The following FAR2 variants were observed in gnomAD, a reference collection of about 807,000 sequenced individuals.
The protein encoded by FAR2 is epididymis secretory protein Li 81.
FAR2 carries 19 observed loss-of-function variants against 56.0 expected under a neutral mutation model. The ratio of observed to expected loss-of-function variants is 0.34; its 90% CI spans 0.24 to 0.50. FAR2 has a LOEUF of 0.50. Ranked by LOEUF, FAR2 falls within the 20% of genes least tolerant of loss-of-function variation. The pLI, the probability that FAR2 is intolerant of heterozygous loss-of-function variation, is 0.98. For synonymous variants in FAR2, 219 were observed against 218.8 expected (o/e 1.00, Z -0.01); for missense variants, 508 against 642.2 (o/e 0.79, Z 2.26).
In FAR2 at chr12:29,311,021, T is replaced by C; in HGVS notation, c.769-7T>C. On this transcript the variant is annotated splice_polypyrimidine_tract_variant and splice_region_variant and intron_variant, in intron 6 of 11. Coordinates refer to ENST00000536681, the MANE Select transcript of FAR2 (RefSeq NM_001271783.2). ...GTTTAATATTTTATGTTCTTTTTCC[T>C]ATGCAGACTGGGAAAGGGTTTCTTC... 6.2e-7 allele frequency: 1 copy of C among 1,603,178 alleles called. No individual in the cohort carries two copies. The highest frequency in any genetic ancestry group is 8.5e-7 in the Non-Finnish European group (1 of 1,170,192).
intron 1 of FAR2, among the ~76,000 whole-genome samples, chr12:29,179,404 C>T (rs2136595628): frequency 6.6e-6 from 1 of 152,286 alleles, no homozygotes. Flanking sequence ...CATTCATAGC[C>T]ACTTGCTGTG....
chr12:29,293,535 T>G, intron 3 of FAR2, 60 bp downstream of exon 3: 1 of 1,257,622 alleles, frequency 8.0e-7, no homozygotes, highest in Non-Finnish European at 1.0e-6. Flanking sequence ...AATTTCTTCA[T>G]AGTTTCTGTA....
At chr12:29,309,044 C>T (rs1949303029) in intron 5 of FAR2, 142 bp from the exon 6 acceptor site, 1 of 676,350 alleles carries the variant, frequency 1.5e-6, no homozygotes, top group Non-Finnish European at 2.6e-6. Context: ...CTTTTGAGAT[C>T]TTAATAATAC....
chr12:29,299,232 A>AAG (rs1555121548), intron 4 of FAR2, among the ~76,000 whole-genome samples: 9 of 136,664 alleles, frequency 6.6e-5, no homozygotes, highest in African/African-American at 1.9e-4. Flanking sequence ...AAAAAAAAAA[A>AAG]AAAGAAAGAA....
intron 1 of FAR2, among the ~76,000 whole-genome samples, chr12:29,205,429 A>G (rs1947468318): frequency 6.6e-6 from 1 of 152,188 alleles, no homozygotes; most frequent in African/African-American, 2.4e-5. Context: ...TGAAGCACAA[A>G]ATTTCCACAT....
At chr12:29,181,449 A>G (rs577621687) in intron 1 of FAR2, among the ~76,000 whole-genome samples, 3 of 152,224 alleles carry the variant, frequency 2.0e-5, no homozygotes, top group Non-Finnish European at 4.4e-5. Flanking sequence ...TATCAAAACA[A>G]CAGCAATGAC....
At chr12:29,251,453 G>A (rs1246134359) in intron 1 of FAR2, among the ~76,000 whole-genome samples, 1 of 152,128 alleles carries the variant, frequency 6.6e-6, no homozygotes, top group Non-Finnish European at 1.5e-5. Context: ...CTAATTCTAG[G>A]AAACCCTAAA....
At position 29,335,538 on chromosome 12, in the gene FAR2, G is replaced by C. The variant is rs1167085559; in HGVS notation, c.*1744G>C. On this transcript the variant is annotated 3_prime_UTR_variant, in exon 12 of 12. Transcript: ENST00000536681. ...TCTAAGAATTCACTTTTGATTGTAT[G>C]TTTTACCAATTCAATAATTCCACTA... 1 of 152,102 alleles carries C rather than the reference G, an allele frequency of 6.6e-6. No individual in the cohort carries two copies. Among genetic ancestry groups the C allele is most frequent in the Non-Finnish European group, 1.5e-5 (1 of 68,008 alleles). The allele number at this position is 152,102 out of a possible 1,614,324, so 9.4% of individuals were successfully genotyped here.
chr12:29,230,771 T>C (rs1430045157), intron 1 of FAR2, among the ~76,000 whole-genome samples: 1 of 152,034 alleles, frequency 6.6e-6, no homozygotes, highest in Non-Finnish European at 1.5e-5. Flanking sequence ...CTCAACATCT[T>C]TGGATTAAAG....
chr12:29,187,226 T>C lies in FAR2; in HGVS notation c.-39+37819T>C, dbSNP rs1453532805. 2.0e-5 allele frequency among the ~76,000 whole-genome samples: 3 copies of C among 152,210 alleles called. No homozygotes were observed. In the East Asian group the frequency reaches 5.8e-4, roughly 29 times the overall value. On this transcript the variant is annotated intron_variant, in intron 1 of 11. Transcript: ENST00000536681. ...CCTTTTTTTTACAATATCAATTTTA[T>C]GTGTTACTAAGCTCCTTCTGGCATT...
At chr12:29,328,514 G>A (rs987748042) in intron 10 of FAR2, among the ~76,000 whole-genome samples, 1 of 152,120 alleles carries the variant, frequency 6.6e-6, no homozygotes, top group African/African-American at 2.4e-5. Context: ...AACAATGATG[G>A]ACTGGATAAA....
intron 1 of FAR2, among the ~76,000 whole-genome samples, chr12:29,172,756 C>T (rs935005383): frequency 4.6e-5 from 7 of 152,172 alleles, no homozygotes; most frequent in African/African-American, 1.7e-4. Context: ...CGTAGCCGCT[C>T]GAGGAAGGCA....
At chr12:29,199,978 T>G (rs77911499) in intron 1 of FAR2, among the ~76,000 whole-genome samples, 2,565 of 152,260 alleles carry the variant, frequency 0.017, 30 homozygotes, top group Middle Eastern at 0.048. Context: ...GATGTGAGTT[T>G]AAGGCTCAGG....
chr12:29,317,081 G>T, intron 9 of FAR2, 69 bp downstream of exon 9: 2 of 1,465,086 alleles, frequency 1.4e-6, no homozygotes, highest in Non-Finnish European at 1.8e-6. Context: ...AATCTTTAGT[G>T]CTTCCTTCAG....
At chr12:29,284,831 T>TTTTTTTTG (rs1555118943) in intron 2 of FAR2, among the ~76,000 whole-genome samples, 1 of 149,626 alleles carries the variant, frequency 6.7e-6, no homozygotes, top group African/African-American at 2.4e-5. Context: ...AGCATTACTG[T>TTTTTTTTG]TTTGTTTGTT....
intron 6 of FAR2, chr12:29,310,015 T>C (rs915449085): frequency 6.6e-6 from 1 of 152,196 alleles, no homozygotes; most frequent in African/African-American, 2.4e-5. Context: ...TCAACATGAA[T>C]TGCAATACAG....
intron 4 of FAR2, among the ~76,000 whole-genome samples, chr12:29,304,077 G>A (rs1475994670): frequency 1.3e-5 from 2 of 152,112 alleles, no homozygotes; most frequent in Admixed American, 6.5e-5. Context: ...TCACCAAAAC[G>A]AGGTTGGTCA....
chr12:29,172,882 C>T (rs1356979350), intron 1 of FAR2, among the ~76,000 whole-genome samples: 1 of 152,146 alleles, frequency 6.6e-6, no homozygotes, highest in African/African-American at 2.4e-5. Context: ...TGACTCCAGT[C>T]CCCATGATCT....
intron 1 of FAR2, among the ~76,000 whole-genome samples, chr12:29,194,563 C>A (rs1355438084): frequency 8.7e-6 from 1 of 115,030 alleles, no homozygotes; most frequent in South Asian, 3.1e-4. Flanking sequence ...ACACACACCA[C>A]AGGAGGGTAT....
Sources: allele counts gnomAD v4.1 joint callset (sites outside exome capture counted in the v4.1 genomes callset), GRCh38; gene constraint gnomAD v4.1.1; transcripts MANE v1.5; gene names NCBI Gene and HGNC (gene_info 2026-07-23, HGNC 2026-07-21).